The following PDE4B variants were observed in gnomAD, a reference collection of about 807,000 sequenced individuals.
The protein encoded by PDE4B is phosphodiesterase 4B.
PDE4B carries 20 observed loss-of-function variants against 82.2 expected under a neutral mutation model. The observed-to-expected ratio is 0.24, with a 90% CI of 0.17 to 0.35. The LOEUF is 0.35. Among genes scored for constraint, PDE4B ranks in the 10% least tolerant of loss-of-function variants. The pLI is 1.00. For missense variants in PDE4B, 655 were observed against 907.2 expected, an observed-to-expected ratio of 0.72 and a Z score of 3.57; for synonymous variants, 320 against 318.9, an observed-to-expected ratio of 1.00 and a Z score of -0.04.
At chr1:66,207,200 G>C (rs896527225) in intron 3 of PDE4B, among the ~76,000 whole-genome samples, 1 of 152,048 alleles carries the variant, frequency 6.6e-6, no homozygotes, top group African/African-American at 2.4e-5. Flanking sequence ...TACTCATGCT[G>C]TTTCTTTATC....
chr1:66,142,268 G>A (rs1646188166), intron 3 of PDE4B, among the ~76,000 whole-genome samples: 1 of 152,068 alleles, frequency 6.6e-6, no homozygotes, highest in South Asian at 2.1e-4. Context: ...CTTTAAACCT[G>A]TATCGTTCAT....
intron 3 of PDE4B, among the ~76,000 whole-genome samples, chr1:66,101,424 T>C (rs1645221832): frequency 6.6e-6 from 1 of 152,218 alleles, no homozygotes; most frequent in Non-Finnish European, 1.5e-5. Context: ...TCCACAATGG[T>C]TGAACTAGTT....
chr1:66,359,881 G>C (rs1221630118), intron 9 of PDE4B, among the ~76,000 whole-genome samples: 1 of 152,194 alleles, frequency 6.6e-6, no homozygotes, highest in African/African-American at 2.4e-5. Flanking sequence ...GGAACCTCAA[G>C]GCCTGGGTTC....
intron 1 of PDE4B, among the ~76,000 whole-genome samples, chr1:65,860,975 A>C (rs1291895818): frequency 1.3e-5 from 2 of 152,200 alleles, no homozygotes; most frequent in East Asian, 3.9e-4. Flanking sequence ...AGATTGCAAA[A>C]ATTTTCTCCC....
intron 3 of PDE4B, among the ~76,000 whole-genome samples, chr1:66,169,483 A>G (rs1391182035): frequency 6.6e-6 from 1 of 152,062 alleles, no homozygotes; most frequent in African/African-American, 2.4e-5. Context: ...AAGACCTATA[A>G]TCTCTCCAGG....
At chr1:66,355,097 A>C (rs1371163657) in intron 8 of PDE4B, 5 of 437,916 alleles carry the variant, frequency 1.1e-5, no homozygotes, top group African/African-American at 2.1e-5. Context: ...TGTTCTTTTT[A>C]CTGAATTCTG....
chr1:66,076,968 T>G (rs1365289557), intron 3 of PDE4B, among the ~76,000 whole-genome samples: 1 of 152,174 alleles, frequency 6.6e-6, no homozygotes, highest in Non-Finnish European at 1.5e-5. Context: ...GTAAGTTGTC[T>G]GTTGACTCCC....
intron 1 of PDE4B, among the ~76,000 whole-genome samples, chr1:65,817,545 A>G (rs1645900929): frequency 6.6e-6 from 1 of 152,082 alleles, no homozygotes; most frequent in Non-Finnish European, 1.5e-5. Flanking sequence ...GTCAAACTCT[A>G]GTCCCTCCCT....
At chr1:65,820,262 A>C (rs1645937809) in intron 1 of PDE4B, among the ~76,000 whole-genome samples, 1 of 152,222 alleles carries the variant, frequency 6.6e-6, no homozygotes, top group African/African-American at 2.4e-5. Context: ...AGAACTTTAA[A>C]AATTGAAGAA....
chr1:65,816,346 A>C (rs1469533816), intron 1 of PDE4B, among the ~76,000 whole-genome samples: 1 of 152,130 alleles, frequency 6.6e-6, no homozygotes, highest in South Asian at 2.1e-4. Context: ...ATAGTAACCA[A>C]ATAAGTGCAA....
chr1:66,129,377 G>T (rs1645887036), intron 3 of PDE4B, among the ~76,000 whole-genome samples: 3 of 152,116 alleles, frequency 2.0e-5, no homozygotes, highest in Admixed American at 2.0e-4. Flanking sequence ...CCTCTCTGTG[G>T]CCGGGCGCGG....
intron 3 of PDE4B, among the ~76,000 whole-genome samples, chr1:66,079,166 T>C (rs986646956): frequency 7.0e-6 from 1 of 142,210 alleles, no homozygotes. Context: ...CCTGCTTCTT[T>C]TCTCTCTCTC....
chr1:66,101,276 G>T (rs1469234319), intron 3 of PDE4B, among the ~76,000 whole-genome samples: 4 of 152,146 alleles, frequency 2.6e-5, no homozygotes, highest in Admixed American at 6.6e-5. Context: ...ATTGTGAATA[G>T]TGCCACAATA....
At chr1:65,908,149 T>C (rs1375983716) in intron 1 of PDE4B, among the ~76,000 whole-genome samples, 2 of 152,176 alleles carry the variant, frequency 1.3e-5, no homozygotes, top group Non-Finnish European at 2.9e-5. Context: ...CTGTATCCCT[T>C]AGGCTCCAGT....
intron 6 of PDE4B, among the ~76,000 whole-genome samples, chr1:66,261,911 G>A (rs1037253655): frequency 6.6e-6 from 1 of 152,230 alleles, no homozygotes; most frequent in African/African-American, 2.4e-5. Context: ...GGAGTAATCA[G>A]GTGCGCAAGT....
At chr1:66,258,945 G>A (rs1380033457) in intron 6 of PDE4B, among the ~76,000 whole-genome samples, 1 of 152,112 alleles carries the variant, frequency 6.6e-6, no homozygotes, top group Non-Finnish European at 1.5e-5. Context: ...TTTCTCACAT[G>A]TTGTATGACT....
intron 3 of PDE4B, among the ~76,000 whole-genome samples, chr1:66,084,541 C>A (rs1012913796): frequency 6.6e-5 from 10 of 152,094 alleles, no homozygotes; most frequent in African/African-American, 2.2e-4. Context: ...ACATTAAGAA[C>A]AATTCCTCAG....
intron 7 of PDE4B, chr1:66,330,623 C>G (rs1444096936): frequency 5.1e-6 from 1 of 197,126 alleles, no homozygotes; most frequent in Non-Finnish European, 9.1e-6. Flanking sequence ...TAGTAAATCC[C>G]CAGCAGCTGG....
intron 3 of PDE4B, among the ~76,000 whole-genome samples, chr1:66,053,818 C>T (rs1350564090): frequency 1.3e-5 from 2 of 152,078 alleles, no homozygotes; most frequent in East Asian, 3.8e-4. Context: ...GAGATCGTGC[C>T]ACTGCACTCC....
Sources: allele counts gnomAD v4.1 joint callset (sites outside exome capture counted in the v4.1 genomes callset), GRCh38; gene constraint gnomAD v4.1.1; transcripts MANE v1.5; gene names NCBI Gene and HGNC (gene_info 2026-07-23, HGNC 2026-07-21).